PRPF38A: variants seen among roughly 807,000 people sequenced by gnomAD.
PRPF38A encodes pre-mRNA processing factor 38A.
In PRPF38A, 11 loss-of-function variants were observed where a neutral mutation model predicts 46.8. The ratio of observed to expected loss-of-function variants is 0.24; its 90% CI spans 0.15 to 0.39. The LOEUF is 0.39. Ranked by LOEUF, PRPF38A falls within the 10% of genes least tolerant of loss-of-function variation. The pLI is 1.00. For synonymous variants in PRPF38A, 124 were observed against 136.2 expected (o/e 0.91, Z 0.62); for missense variants, 261 against 407.5 (o/e 0.64, Z 3.10).
chr1:52,414,196 T>C (rs1648227956), intron 6 of PRPF38A, among the ~76,000 whole-genome samples: 1 of 152,352 alleles, frequency 6.6e-6, no homozygotes, highest in South Asian at 2.1e-4. Flanking sequence ...CAGTCAATGA[T>C]TTAAGCAGAG....
chr1:52,414,943 C>A, intron 8 of PRPF38A, 84 bp downstream of exon 8: 1 of 1,230,900 alleles, frequency 8.1e-7, no homozygotes, highest in Non-Finnish European at 1.2e-6. Flanking sequence ...TACAGGAGTG[C>A]CTGACTGTAC....
Position 52,418,610 on chromosome 1 carries a change from A to G in PRPF38A, c.*1920A>G, listed in dbSNP as rs536061252. 1 of 152,210 alleles carries G rather than the reference A, an allele frequency of 6.6e-6. No homozygotes were observed. Among genetic ancestry groups the G allele is most frequent in the African/African-American group, 2.4e-5 (1 of 41,440 alleles). 9.4% of individuals were successfully genotyped at this position (152,210 alleles called of 1,614,324 possible). Reference sequence around the variant, plus strand: ...GGTACCACAGCCAATCAATAGCAGGAAAGAGAATGTCCCTATTCTTTAATT... The same window carrying G: ...GGTACCACAGCCAATCAATAGCAGGGAAGAGAATGTCCCTATTCTTTAATT... On this transcript the variant is annotated 3_prime_UTR_variant, in exon 10 of 10. Coordinates refer to ENST00000257181, the MANE Select transcript of PRPF38A (RefSeq NM_032864.4).
chr1:52,405,929 C>A, intron 2 of PRPF38A, 90 bp downstream of exon 2: 1 of 1,073,268 alleles, frequency 9.3e-7, no homozygotes, highest in Non-Finnish European at 1.4e-6. Flanking sequence ...CACAATGTAT[C>A]TCATTTCTAG....
Position 52,415,396 on chromosome 1 carries a change from T to A in PRPF38A, c.896+10T>A. On this transcript the variant is annotated intron_variant, in intron 9 of 9. Transcript: ENST00000257181. Reference sequence around the variant, plus strand: ...CAAAGTCTCCCGAAAGGTAATGAATTGACCTCTATTTTAACTTTACAGAAA... The same window carrying A: ...CAAAGTCTCCCGAAAGGTAATGAATAGACCTCTATTTTAACTTTACAGAAA... 1 of 1,610,688 alleles carries A rather than the reference T, an allele frequency of 6.2e-7. No homozygotes were observed. The highest frequency in any genetic ancestry group is 8.5e-7 in the Non-Finnish European group (1 of 1,177,164).
rs752969273 is a variant in PRPF38A at position 52,412,484 on chromosome 1, A to G, written c.499-30A>G. The stretch of plus-strand genomic sequence containing the variant: ...TTCAAGAAATAGGGGAAATGGCAAC[A>G]ACCCCTAACTCTCATCATTTTCTCT... On this transcript the variant is annotated intron_variant, in intron 4 of 9. Coordinates refer to ENST00000257181, the MANE Select transcript of PRPF38A (RefSeq NM_032864.4). 4.0e-6 allele frequency: 6 copies of G among 1,513,504 alleles called. No homozygotes were observed. In the African/African-American group the frequency reaches 8.3e-5, roughly 21 times the overall value. 93.8% of individuals were successfully genotyped at this position (1,513,504 alleles called of 1,614,324 possible). A position where few individuals can be genotyped will look rare whatever the true frequency, so the allele number is the denominator to read the frequency against.
At chr1:52,405,160 C>G (rs1293391304) in intron 1 of PRPF38A, among the ~76,000 whole-genome samples, 2 of 152,194 alleles carry the variant, frequency 1.3e-5, no homozygotes, top group Non-Finnish European at 2.9e-5. Flanking sequence ...GTGTTAAGCT[C>G]AGGGATCCGG....
In PRPF38A at chr1:52,404,628, T is replaced by C; in HGVS notation, c.-122T>C. 1 of 1,093,488 alleles carries C rather than the reference T, an allele frequency of 9.1e-7. No individual in the cohort carries two copies. The highest frequency in any genetic ancestry group is 1.3e-6 in the Non-Finnish European group (1 of 768,900). The allele number at this position is 1,093,488 out of a possible 1,614,324, so 67.7% of individuals were successfully genotyped here. On this transcript the variant is annotated 5_prime_UTR_variant, in exon 1 of 10. It removes an upstream start codon present in the reference 5' UTR. Coordinates refer to ENST00000257181, the MANE Select transcript of PRPF38A (RefSeq NM_032864.4). ...CACTACGGTGTTTCCGGCTTCAAGA[T>C]GGTCGCCTAAGCTGTTTAGTGAAAC...
In PRPF38A at chr1:52,418,647, G is replaced by C. The variant is rs994315184; in HGVS notation, c.*1957G>C. The C allele has an allele frequency of 1.3e-5, 2 of 152,156 alleles. No homozygotes were observed. The highest frequency in any genetic ancestry group is 4.8e-5 in the African/African-American group (2 of 41,416). The allele number at this position is 152,156 out of a possible 1,614,324, so 9.4% of individuals were successfully genotyped here. Reference sequence around the variant, plus strand: ...CCTATTCTTTAATTAGAAGAAGGAGGTAAGAGTAAGACATGTTGCATGTCT... The same window carrying C: ...CCTATTCTTTAATTAGAAGAAGGAGCTAAGAGTAAGACATGTTGCATGTCT... On this transcript the variant is annotated 3_prime_UTR_variant, in exon 10 of 10. Transcript: ENST00000257181.
At chr1:52,409,500 A>G (rs1648089651) in intron 3 of PRPF38A, 1 of 152,206 alleles carries the variant, frequency 6.6e-6, no homozygotes, top group African/African-American at 2.4e-5. Context: ...AATCCCAGCT[A>G]CTCAGGAGGC....
At chr1:52,406,457 A>G (rs1469364685) in intron 2 of PRPF38A, among the ~76,000 whole-genome samples, 1 of 152,240 alleles carries the variant, frequency 6.6e-6, no homozygotes, top group Non-Finnish European at 1.5e-5. Context: ...GTGAAAATCA[A>G]ACAACAAAAG....
At chr1:52,414,033 A>C (rs1251892316) in intron 6 of PRPF38A, 42 bp downstream of exon 6, 1 of 1,340,746 alleles carries the variant, frequency 7.5e-7, no homozygotes. Flanking sequence ...GATTTTGAGC[A>C]CTGTAGCCTA....
Position 52,416,907 on chromosome 1 carries a change from T to G in PRPF38A, c.*217T>G, listed in dbSNP as rs1056151521. 2 of 555,808 alleles carry G rather than the reference T, an allele frequency of 3.6e-6. No individual in the cohort carries two copies. Among genetic ancestry groups the G allele is most frequent in the African/African-American group, 1.9e-5 (1 of 52,610 alleles). The allele number at this position is 555,808 out of a possible 1,614,324, so 34.4% of individuals were successfully genotyped here. A position where few individuals can be genotyped will look rare whatever the true frequency, so the allele number is the denominator to read the frequency against. On this transcript the variant is annotated 3_prime_UTR_variant, in exon 10 of 10. Transcript: ENST00000257181. The stretch of plus-strand genomic sequence containing the variant: ...TTGACCCAACTAACCTTGACTGTAT[T>G]CAAACTTATGAGAGTATAAAGGATC...
At chr1:52,406,725 A>G (rs979024480) in intron 2 of PRPF38A, among the ~76,000 whole-genome samples, 6 of 152,234 alleles carry the variant, frequency 3.9e-5, no homozygotes, top group African/African-American at 1.4e-4. Context: ...AGACAGACAT[A>G]ATAGCTTCTT....
chr1:52,415,236 C>A, intron 8 of PRPF38A, 102 bp from the exon 9 acceptor site: 1 of 1,224,314 alleles, frequency 8.2e-7, no homozygotes, highest in Non-Finnish European at 1.2e-6. Context: ...CTGCATAGGC[C>A]AAAAGAATAT....
Position 52,404,623 on chromosome 1 carries a change from C to T in PRPF38A, c.-127C>T. The T allele has an allele frequency of 2.8e-6, 3 of 1,059,518 alleles. No individual in the cohort carries two copies. The highest frequency in any genetic ancestry group is 4.1e-6 in the Non-Finnish European group (3 of 740,698). The allele number at this position is 1,059,518 out of a possible 1,614,324, so 65.6% of individuals were successfully genotyped here. ...CTTTACACTACGGTGTTTCCGGCTT[C>T]AAGATGGTCGCCTAAGCTGTTTAGT... On this transcript the variant is annotated 5_prime_UTR_variant, in exon 1 of 10. Transcript: ENST00000257181.
intron 7 of PRPF38A, 41 bp downstream of exon 7, chr1:52,414,688 G>C (rs1273822956): frequency 6.2e-7 from 1 of 1,613,876 alleles, no homozygotes. Context: ...AGGGCTTTGG[G>C]GAGGGGGTGG....
chr1:52,410,461 G>GTATA (rs570938905), intron 3 of PRPF38A, among the ~76,000 whole-genome samples: 13 of 146,976 alleles, frequency 8.8e-5, no homozygotes, highest in African/African-American at 3.2e-4. Context: ...ATATATAGAT[G>GTATA]TATATATATA....
chr1:52,414,976 A>G, intron 8 of PRPF38A, 117 bp downstream of exon 8: 1 of 879,088 alleles, frequency 1.1e-6, no homozygotes, highest in Non-Finnish European at 1.8e-6. Context: ...AAGCAAATGG[A>G]CATAGAATTT....
At chr1:52,412,679 A>C in intron 5 of PRPF38A, 55 bp downstream of exon 5, 1 of 1,215,366 alleles carries the variant, frequency 8.2e-7, no homozygotes, top group Non-Finnish European at 1.2e-6. Context: ...GAAAATGGGA[A>C]TGGTTTTTTG....
Sources: allele counts gnomAD v4.1 joint callset (sites outside exome capture counted in the v4.1 genomes callset), GRCh38; gene constraint gnomAD v4.1.1; transcripts MANE v1.5; gene names NCBI Gene and HGNC (gene_info 2026-07-23, HGNC 2026-07-21).